Variants in PDE1C observed in about 807,000 individuals in gnomAD.
PDE1C encodes dual specificity calcium/calmodulin-dependent 3',5'-cyclic nucleotide phosphodiesterase 1C.
PDE1C carries 62 observed loss-of-function variants against 93.1 expected under a neutral mutation model. The ratio of observed to expected loss-of-function variants is 0.67; its 90% CI spans 0.54 to 0.82. The LOEUF (loss-of-function observed/expected upper bound fraction) is 0.82, where lower values mean the gene tolerates loss of function less well. Among genes scored for constraint, PDE1C ranks in the 40% least tolerant of loss-of-function variants. The pLI, the probability that PDE1C is intolerant of heterozygous loss-of-function variation, is 0.00. For missense variants in PDE1C, 742 were observed against 884.6 expected (o/e 0.84, Z 2.04); for synonymous variants, 325 against 310.1 (o/e 1.05, Z -0.50).
intron 1 of PDE1C, among the ~76,000 whole-genome samples, chr7:32,297,955 ATCTCTC>A (rs768784407): frequency 0.071 from 2,029 of 28,648 alleles, 53 homozygotes; most frequent in Non-Finnish European, 0.082. Flanking sequence ...CTATTGTTCA[ATCTCTC>A]TCTCTCTCTC....
chr7:32,026,060 G>T (rs1367776931), intron 2 of PDE1C, among the ~76,000 whole-genome samples: 1 of 151,676 alleles, frequency 6.6e-6, no homozygotes, highest in Non-Finnish European at 1.5e-5. Context: ...ACACAAGCGT[G>T]TGCATGCACA....
intron 3 of PDE1C, among the ~76,000 whole-genome samples, chr7:32,168,726 G>A (rs922698797): frequency 4.6e-5 from 7 of 152,068 alleles, no homozygotes; most frequent in African/African-American, 1.7e-4. Context: ...TAATGTACTC[G>A]TCACACTGTA....
Position 32,124,971 on chromosome 7 carries a change from A to G in PDE1C, c.308+44814T>C, listed in dbSNP as rs1283676455. Among the ~76,000 whole-genome samples the G allele has an allele frequency of 5.9e-5, 9 of 152,218 alleles. No homozygotes were observed. In the East Asian group the frequency reaches 1.5e-3, roughly 26 times the overall value. The stretch of plus-strand genomic sequence containing the variant: ...GGGAGAAAATTTTTGCAATCTTTCC[A>G]TCTGACAAAGATCTAATATCCAGAA... On this transcript the variant is annotated intron_variant, in intron 3 of 18. Coordinates refer to the PDE1C transcript ENST00000396193.
chr7:32,417,897 A>C (rs1050352211), intron 1 of PDE1C, among the ~76,000 whole-genome samples: 1 of 152,224 alleles, frequency 6.6e-6, no homozygotes, highest in South Asian at 2.1e-4. Context: ...TTGTTGACCT[A>C]TCAATTTATT....
At chr7:31,716,957 AG>A in the PDE1C span, among the ~76,000 whole-genome samples, 3 of 152,232 alleles carry the variant, frequency 2.0e-5, no homozygotes, top group East Asian at 3.9e-4. Context: ...ATTTGTCGAG[AG>A]GAAGCAACAC....
rs781285651 is a variant in PDE1C, at chr7:31,815,971, C to G, written c.1766G>C (p.Gly589Ala). The G allele has an allele frequency of 1.8e-5, 29 of 1,613,944 alleles. 1 individual carries two copies. In the South Asian group the frequency reaches 2.3e-4, roughly 13 times the overall value. The change falls in exon 15 of 18, where the codon GGG (glycine) becomes GCG (alanine). Residue 589 changes from glycine to alanine, a missense_variant. This residue lies in a region of PDE1C where 454 missense variants were observed against 459.4 expected (regional missense o/e 0.99). Coordinates refer to ENST00000396191, the MANE Select transcript of PDE1C (RefSeq NM_001191057.4). ...TGACTTCTCGGCTTTGGAGTTTTTC[C>G]CACGAGGGTTGTCACTTTTGTTTGC... ...TRANKSDNPR[G>A]KNSKAEKSSG...
intron 3 of PDE1C, among the ~76,000 whole-genome samples, chr7:32,164,958 G>A (rs62456296): frequency 6.6e-6 from 1 of 152,144 alleles, no homozygotes; most frequent in Non-Finnish European, 1.5e-5. Flanking sequence ...AGGTTTAAAG[G>A]GATAAAATGT....
chr7:31,933,177 AC>A (rs1267022668), intron 2 of PDE1C, among the ~76,000 whole-genome samples: 1 of 152,154 alleles, frequency 6.6e-6, no homozygotes, highest in Non-Finnish European at 1.5e-5. Flanking sequence ...GTACATGTAT[AC>A]CTATGTAACA....
chr7:32,087,572 T>G (rs1020394988), intron 3 of PDE1C, among the ~76,000 whole-genome samples: 4 of 152,136 alleles, frequency 2.6e-5, no homozygotes, highest in African/African-American at 9.7e-5. Flanking sequence ...TGCAGCACTA[T>G]TCACAATAGC....
chr7:31,787,114 T>C (rs1454180207), intron 16 of PDE1C: 3 of 152,160 alleles, frequency 2.0e-5, no homozygotes, highest in African/African-American at 2.4e-5. Flanking sequence ...CATGATAATG[T>C]TGCTTTTTAC....
At chr7:32,068,892 T>C (rs999816226) in intron 1 of PDE1C, among the ~76,000 whole-genome samples, 4 of 152,350 alleles carry the variant, frequency 2.6e-5, no homozygotes, top group East Asian at 3.9e-4. Context: ...AAACTTTCTG[T>C]GTGCAGCACA....
chr7:31,715,684 A>G, the PDE1C span, among the ~76,000 whole-genome samples: 2 of 152,224 alleles, frequency 1.3e-5, no homozygotes, highest in Admixed American at 1.3e-4. Context: ...TGTAACTTTC[A>G]TTCTTCTTGA....
chr7:32,229,773 G>A (rs1476746621), intron 1 of PDE1C, among the ~76,000 whole-genome samples: 1 of 152,232 alleles, frequency 6.6e-6, no homozygotes, highest in Non-Finnish European at 1.5e-5. Flanking sequence ...CCTGCATCTT[G>A]TGCAACTGAA....
the PDE1C span, among the ~76,000 whole-genome samples, chr7:31,633,979 G>T: frequency 2.0e-5 from 3 of 152,102 alleles, no homozygotes; most frequent in African/African-American, 7.2e-5. Context: ...GAATTCAGAA[G>T]CTTTTATTAC....
chr7:32,166,999 C>G (rs1802323747), intron 3 of PDE1C, among the ~76,000 whole-genome samples: 1 of 152,138 alleles, frequency 6.6e-6, no homozygotes. Flanking sequence ...CTAAAATGGA[C>G]AGAATCCTTG....
At chr7:31,625,560 G>T in the PDE1C span, among the ~76,000 whole-genome samples, 2 of 152,172 alleles carry the variant, frequency 1.3e-5, no homozygotes, top group South Asian at 4.1e-4. Flanking sequence ...CTCATAGGTG[G>T]GAATTGAACA....
At chr7:32,147,598 T>C (rs887057503) in intron 3 of PDE1C, among the ~76,000 whole-genome samples, 1 of 152,154 alleles carries the variant, frequency 6.6e-6, no homozygotes, top group Non-Finnish European at 1.5e-5. Flanking sequence ...CTGTTGGGCA[T>C]CCCAGGAGGT....
At chr7:32,093,310 A>G (rs1287053983) in intron 3 of PDE1C, among the ~76,000 whole-genome samples, 1 of 152,132 alleles carries the variant, frequency 6.6e-6, no homozygotes, top group Non-Finnish European at 1.5e-5. Context: ...ATTCAACCCC[A>G]CACCAGGATC....
intron 17 of PDE1C, among the ~76,000 whole-genome samples, chr7:31,761,381 C>T (rs1223298635): frequency 6.6e-6 from 1 of 152,146 alleles, no homozygotes; most frequent in Non-Finnish European, 1.5e-5. Flanking sequence ...AATAATCTTG[C>T]TTCCCTGTAA....
Sources: allele counts gnomAD v4.1 joint callset (sites outside exome capture counted in the v4.1 genomes callset), GRCh38; gene constraint gnomAD v4.1.1; regional missense constraint gnomAD v4.1.1; transcripts MANE v1.5; gene names NCBI Gene and HGNC (gene_info 2026-07-23, HGNC 2026-07-21).